The following ZDHHC21 variants were observed in gnomAD, a reference collection of about 807,000 sequenced individuals.
The protein encoded by ZDHHC21 is palmitoyltransferase ZDHHC21.
Under a neutral mutation model 34.6 loss-of-function variants are expected in ZDHHC21, and 15 were observed. That is an observed-to-expected ratio of 0.43 (90% CI 0.29 to 0.67). ZDHHC21 has a LOEUF of 0.67. Among genes scored for constraint, ZDHHC21 ranks in the 30% least tolerant of loss-of-function variants. The pLI is 0.14. For synonymous variants in ZDHHC21, 142 were observed against 101.8 expected (o/e 1.40, Z -2.38); for missense variants, 344 against 327.7 (o/e 1.05, Z -0.38).
At chr9:14,670,066 T>C (rs192386394) in intron 5 of ZDHHC21, among the ~76,000 whole-genome samples, 14 of 151,644 alleles carry the variant, frequency 9.2e-5, no homozygotes, top group Admixed American at 9.2e-4. Context: ...AATTCACACA[T>C]TGCAAGGAAT....
At chr9:14,639,003 G>A (rs952183686) in intron 8 of ZDHHC21, among the ~76,000 whole-genome samples, 1 of 151,894 alleles carries the variant, frequency 6.6e-6, no homozygotes, top group African/African-American at 2.4e-5. Context: ...TCACTATTGG[G>A]TATTTATCCA....
chr9:14,627,998 T>TA (rs1181277413), intron 8 of ZDHHC21, among the ~76,000 whole-genome samples: 42 of 152,248 alleles, frequency 2.8e-4, no homozygotes, highest in Admixed American at 2.3e-3. Flanking sequence ...TTTCCCTTAA[T>TA]AAAAAATGCC....
chr9:14,597,205 C>T, the ZDHHC21 span, among the ~76,000 whole-genome samples: 2 of 152,222 alleles, frequency 1.3e-5, no homozygotes, highest in East Asian at 3.9e-4. Flanking sequence ...CATTTGAGAG[C>T]TCAGCTCCCA....
chr9:14,649,212 T>G (rs1329285640), intron 7 of ZDHHC21, among the ~76,000 whole-genome samples: 1 of 152,096 alleles, frequency 6.6e-6, no homozygotes, highest in Non-Finnish European at 1.5e-5. Flanking sequence ...AGGATTTTGT[T>G]TTTCTCTGTT....
intron 2 of ZDHHC21, 43 bp downstream of exon 2, chr9:14,690,294 A>G (rs1396062255): frequency 2.2e-6 from 1 of 445,838 alleles, no homozygotes; most frequent in Non-Finnish European, 4.5e-6. Context: ...CAAAGCAGCC[A>G]TGATTTAAGA....
chr9:14,605,488 G>C, the ZDHHC21 span, among the ~76,000 whole-genome samples: 168 of 152,126 alleles, frequency 1.1e-3, 3 homozygotes, highest in African/African-American at 4.0e-3. Flanking sequence ...GTCTTCTTTG[G>C]AGAAATATCT....
chr9:14,606,739 A>G (rs904937423), downstream of ZDHHC21, among the ~76,000 whole-genome samples: 1 of 152,294 alleles, frequency 6.6e-6, no homozygotes, highest in African/African-American at 2.4e-5. Context: ...AACCTATTAA[A>G]TAGATTAAAA....
chr9:14,609,810 T>G (rs989879977), downstream of ZDHHC21, among the ~76,000 whole-genome samples: 3 of 152,116 alleles, frequency 2.0e-5, no homozygotes, highest in African/African-American at 7.2e-5. Flanking sequence ...AAACCATCAC[T>G]TGAGTTTTAG....
At chr9:14,632,153 A>C (rs1427911625) in intron 8 of ZDHHC21, among the ~76,000 whole-genome samples, 1 of 152,136 alleles carries the variant, frequency 6.6e-6, no homozygotes, top group African/African-American at 2.4e-5. Flanking sequence ...ATAAGAAATT[A>C]AGTGTTTATC....
chr9:14,608,606 T>C (rs553982778), downstream of ZDHHC21, among the ~76,000 whole-genome samples: 2 of 152,258 alleles, frequency 1.3e-5, no homozygotes, highest in East Asian at 3.9e-4. Context: ...CCAGAGGACA[T>C]ACAAAGAATG....
rs1233584509 is a variant in ZDHHC21 at position 14,617,103 on chromosome 9, C to A, written c.*1863G>T. The A allele has an allele frequency of 6.6e-6, 1 of 151,914 alleles. No individual in the cohort carries two copies. Among genetic ancestry groups the A allele is most frequent in the Admixed American group, 6.6e-5 (1 of 15,232 alleles). 9.4% of individuals were successfully genotyped at this position (151,914 alleles called of 1,614,324 possible). On this transcript the variant is annotated 3_prime_UTR_variant, in exon 10 of 10. Transcript: ENST00000380916. The stretch of plus-strand genomic sequence containing the variant: ...TTCAACTGATATCTACCTACCTTAT[C>A]TATATATTACTTCCTTATGAACAGT...
At chr9:14,648,012 C>A (rs1320755530) in intron 7 of ZDHHC21, among the ~76,000 whole-genome samples, 1 of 151,986 alleles carries the variant, frequency 6.6e-6, no homozygotes, top group Non-Finnish European at 1.5e-5. Context: ...TGTGTAAAAC[C>A]CAAATCTTTA....
At chr9:14,634,382 C>A (rs948761164) in intron 8 of ZDHHC21, among the ~76,000 whole-genome samples, 7 of 152,202 alleles carry the variant, frequency 4.6e-5, no homozygotes, top group South Asian at 4.1e-4. Flanking sequence ...GAACAAGCCA[C>A]GTGGAGGCCC....
chr9:14,609,760 A>G (rs988327297), downstream of ZDHHC21, among the ~76,000 whole-genome samples: 2 of 152,098 alleles, frequency 1.3e-5, no homozygotes, highest in African/African-American at 4.8e-5. Flanking sequence ...GTTCCTTGGT[A>G]TTGTTTCTGA....
chr9:14,611,843 T>C lies in ZDHHC21; in HGVS notation c.*7123A>G, dbSNP rs960527522. Reference sequence around the variant, plus strand: ...CTTGTCGGAATATCTCTGATTCTGGTGGAAGTTTTTACTTTTGTATCATTT... The same window carrying C: ...CTTGTCGGAATATCTCTGATTCTGGCGGAAGTTTTTACTTTTGTATCATTT... On this transcript the variant is annotated 3_prime_UTR_variant, in exon 10 of 10. Transcript: ENST00000380916. The C allele has an allele frequency of 3.9e-5, 6 of 152,072 alleles. No individual in the cohort carries two copies. The highest frequency in any genetic ancestry group is 1.4e-4 in the African/African-American group (6 of 41,440). 9.4% of individuals were successfully genotyped at this position (152,072 alleles called of 1,614,324 possible). A position where few individuals can be genotyped will look rare whatever the true frequency, so the allele number is the denominator to read the frequency against.
the ZDHHC21 span, among the ~76,000 whole-genome samples, chr9:14,590,668 G>C: frequency 6.6e-6 from 1 of 151,942 alleles, no homozygotes; most frequent in South Asian, 2.1e-4. Context: ...TCAGAAATGA[G>C]GGTGAAAGAA....
Position 14,663,641 on chromosome 9 carries a change from C to G in ZDHHC21, c.254-1315G>C, listed in dbSNP as rs1022043093. On this transcript the variant is annotated intron_variant, in intron 5 of 9. Coordinates refer to ENST00000380916, the MANE Select transcript of ZDHHC21 (RefSeq NM_178566.6). ...CATGCTGGACTTTTATATAGTAAAG[C>G]GTTGGGAAAATACTCCCACTACAGA... Among the ~76,000 whole-genome samples, 3 of 150,746 alleles carry G rather than the reference C, an allele frequency of 2.0e-5. No individual in the cohort carries two copies. The East Asian group carries it at 5.8e-4, about 29-fold the overall frequency.
chr9:14,661,547 A>G (rs1312447106), intron 6 of ZDHHC21, among the ~76,000 whole-genome samples: 1 of 152,236 alleles, frequency 6.6e-6, no homozygotes, highest in Non-Finnish European at 1.5e-5. Flanking sequence ...TTGTTCACAG[A>G]TTTTTGTGAC....
chr9:14,619,564 T>C, intron 9 of ZDHHC21, 75 bp downstream of exon 9: 1 of 1,132,382 alleles, frequency 8.8e-7, no homozygotes. Flanking sequence ...CTATCTACCA[T>C]ATGCACATAT....
Sources: gnomAD v4.1 joint callset for allele counts (sites outside exome capture counted in the v4.1 genomes callset) on GRCh38, gnomAD v4.1.1 for gene constraint, MANE v1.5 for transcripts, NCBI Gene and HGNC (gene_info 2026-07-23, HGNC 2026-07-21) for gene names.